Variants in AGBL1 observed in about 807,000 individuals in gnomAD.
The protein encoded by AGBL1 is cytosolic carboxypeptidase 4.
AGBL1 carries 130 observed loss-of-function variants against 118.9 expected under a neutral mutation model. That is an observed-to-expected ratio of 1.09 (90% CI 0.95 to 1.26). The LOEUF (loss-of-function observed/expected upper bound fraction) is 1.26. AGBL1 is among the 50% of genes most tolerant of loss of function. The probability of loss-of-function intolerance (pLI) is 0.00; values close to 1 mark genes in which losing one functional copy is unlikely to be tolerated. For synonymous variants in AGBL1, 555 were observed against 478.9 expected (o/e 1.16, Z -2.08); for missense variants, 1,584 against 1,298.1 (o/e 1.22, Z -3.38).
chr15:86,108,252 T>C (rs1897164618), intron 1 of AGBL1, among the ~76,000 whole-genome samples: 2 of 152,326 alleles, frequency 1.3e-5, no homozygotes, highest in Non-Finnish European at 2.9e-5. Context: ...TTGAGCATAA[T>C]AGTAATTTTT....
chr15:86,473,791 T>C (rs1311629594), intron 18 of AGBL1, among the ~76,000 whole-genome samples: 1 of 152,218 alleles, frequency 6.6e-6, no homozygotes, highest in East Asian at 1.9e-4. Context: ...TTGCCAACGT[T>C]TGCCTATATC....
chr15:86,827,938 CTTTT>C lies in AGBL1; in HGVS notation c.3159-79132_3159-79129del, dbSNP rs71144074. 1.7e-3 allele frequency among the ~76,000 whole-genome samples: 28 copies of C among 16,764 alleles called. 1 individual carries two copies. The South Asian group carries it at 0.051, about 30-fold the overall frequency. The allele number at this position is 16,764 out of a possible 152,430, so 11.0% of individuals were successfully genotyped here. A position where few individuals can be genotyped will look rare whatever the true frequency, so the allele number is the denominator to read the frequency against. On this transcript the variant is annotated intron_variant, in intron 22 of 22. Coordinates refer to ENST00000614907, the MANE Select transcript of AGBL1 (RefSeq NM_001386094.1). ...ATAGTCTCTGGCACTTGATGTAGGG[CTTTT>C]TTTTTTTTTTTTTTTTGAGACAGTA...
At chr15:86,998,869 AT>A (rs980499009) in intron 24 of AGBL1, among the ~76,000 whole-genome samples, 4 of 151,144 alleles carry the variant, frequency 2.6e-5, no homozygotes, top group East Asian at 3.9e-4. Flanking sequence ...ATATATATAT[AT>A]TTTTTATTAT....
Position 86,264,352 on chromosome 15 carries a change from A to G in AGBL1, c.1181A>G (p.His394Arg). The change falls in exon 11 of 23, where the codon CAT (histidine) becomes CGT (arginine). Residue 394 changes from histidine (H) to arginine (R), a missense_variant. By Grantham distance (29) the His-to-Arg change is conservative. Coordinates refer to ENST00000614907, the MANE Select transcript of AGBL1 (RefSeq NM_001386094.1). ...CCAGCCGCTGCCTCCTCAAAACAGC[A>G]TTGCTACAGCAAGGACCAAAGCTCC... The part of the protein sequence containing the change: ...HIPAAASSKQ[H>R]CYSKDQSSCG... 6.2e-7 allele frequency: 1 copy of G among 1,613,460 alleles called. No homozygotes were observed. Among genetic ancestry groups the G allele is most frequent in the African/African-American group, 1.3e-5 (1 of 75,054 alleles).
intron 1 of AGBL1, among the ~76,000 whole-genome samples, chr15:86,139,504 C>T (rs572533735): frequency 2.6e-5 from 4 of 152,096 alleles, no homozygotes; most frequent in Admixed American, 6.5e-5. Flanking sequence ...ATAAGCCAGC[C>T]GGGTGTGGTG....
intron 22 of AGBL1, among the ~76,000 whole-genome samples, chr15:86,817,528 C>T (rs1337231479): frequency 2.0e-5 from 3 of 146,612 alleles, no homozygotes; most frequent in South Asian, 4.5e-4. Context: ...GGCATACACA[C>T]ACACACACAC....
chr15:86,148,804 C>T (rs1453552531), intron 3 of AGBL1, among the ~76,000 whole-genome samples: 1 of 152,154 alleles, frequency 6.6e-6, no homozygotes, highest in African/African-American at 2.4e-5. Flanking sequence ...TCGAGAAGAG[C>T]AACCCCAAGA....
chr15:86,961,040 T>C (rs1414306801), intron 23 of AGBL1, among the ~76,000 whole-genome samples: 1 of 152,038 alleles, frequency 6.6e-6, no homozygotes, highest in Admixed American at 6.6e-5. Flanking sequence ...TTAATAATAC[T>C]CTATTGTATA....
At chr15:86,304,329 T>C (rs888762477) in intron 17 of AGBL1, among the ~76,000 whole-genome samples, 1 of 152,126 alleles carries the variant, frequency 6.6e-6, no homozygotes, top group Non-Finnish European at 1.5e-5. Flanking sequence ...ACACTTTTTC[T>C]CCATAGCTAT....
intron 20 of AGBL1, among the ~76,000 whole-genome samples, chr15:86,548,268 C>T (rs2083613049): frequency 6.6e-6 from 1 of 152,142 alleles, no homozygotes; most frequent in South Asian, 2.1e-4. Flanking sequence ...TTATCTAAGA[C>T]TTTATTTGGT....
intron 1 of AGBL1, among the ~76,000 whole-genome samples, chr15:86,123,072 T>G (rs1898183737): frequency 6.6e-6 from 1 of 152,240 alleles, no homozygotes; most frequent in Non-Finnish European, 1.5e-5. Context: ...GGGGAAAATC[T>G]GCATTCTATA....
At position 86,154,581 on chromosome 15, in the gene AGBL1, C is replaced by T. The variant is rs1567091175; in HGVS notation, c.394+20C>T. 6.3e-7 allele frequency: 1 copy of T among 1,589,762 alleles called. No homozygotes were observed. The highest frequency in any genetic ancestry group is 1.1e-5 in the South Asian group (1 of 88,134). On this transcript the variant is annotated intron_variant, in intron 4 of 22. Coordinates refer to ENST00000614907, the MANE Select transcript of AGBL1 (RefSeq NM_001386094.1). Reference sequence around the variant, plus strand: ...CCAGTGGTAAGTGACTCTATTGTGGCTCTCGGGGATGGCTTCCAAACCTGG... The same window carrying T: ...CCAGTGGTAAGTGACTCTATTGTGGTTCTCGGGGATGGCTTCCAAACCTGG...
At chr15:86,972,510 C>T (rs1042843197) in intron 23 of AGBL1, among the ~76,000 whole-genome samples, 6 of 151,980 alleles carry the variant, frequency 3.9e-5, no homozygotes, top group Admixed American at 1.3e-4. Context: ...TTTATAACTT[C>T]TGATTTGAAA....
At chr15:86,942,111 T>TAAC (rs1298220479) in intron 23 of AGBL1, among the ~76,000 whole-genome samples, 1 of 152,144 alleles carries the variant, frequency 6.6e-6, no homozygotes, top group East Asian at 1.9e-4. Context: ...CTTTTCTCCT[T>TAAC]AACTGCCTCC....
At chr15:86,816,546 G>A (rs2078860871) in intron 22 of AGBL1, among the ~76,000 whole-genome samples, 1 of 152,224 alleles carries the variant, frequency 6.6e-6, no homozygotes, top group Non-Finnish European at 1.5e-5. Context: ...TTAAGAGAAG[G>A]TGACAGGTAA....
At chr15:86,988,688 C>T (rs1040128343) in intron 24 of AGBL1, among the ~76,000 whole-genome samples, 11 of 152,050 alleles carry the variant, frequency 7.2e-5, no homozygotes, top group Admixed American at 5.9e-4. Flanking sequence ...ATAGTATGTT[C>T]GAATTATACT....
intron 17 of AGBL1, among the ~76,000 whole-genome samples, chr15:86,343,678 G>T (rs1213043240): frequency 1.3e-5 from 2 of 152,130 alleles, no homozygotes; most frequent in African/African-American, 2.4e-5. Flanking sequence ...AGGAGGGGAA[G>T]GCTTGGGAAA....
At chr15:86,483,104 T>G (rs1306025806) in intron 18 of AGBL1, among the ~76,000 whole-genome samples, 1 of 151,974 alleles carries the variant, frequency 6.6e-6, no homozygotes, top group Non-Finnish European at 1.5e-5. Flanking sequence ...AGGAGAAACA[T>G]GTATATGCTC....
At chr15:86,488,059 A>C (rs1378623942) in intron 18 of AGBL1, among the ~76,000 whole-genome samples, 1 of 152,046 alleles carries the variant, frequency 6.6e-6, no homozygotes, top group African/African-American at 2.4e-5. Flanking sequence ...CTCAGCCCCA[A>C]ATTTGGTTTC....
Sources: gnomAD v4.1 joint callset for allele counts (sites outside exome capture counted in the v4.1 genomes callset) on GRCh38, gnomAD v4.1.1 for gene constraint, MANE v1.5 for transcripts, NCBI Gene and HGNC (gene_info 2026-07-23, HGNC 2026-07-21) for gene names.